CBFA2T2: variants seen among roughly 807,000 people sequenced by gnomAD.
The protein encoded by CBFA2T2 is CBFA2/RUNX1 partner transcriptional co-repressor 2, also known as protein CBFA2T2.
A neutral mutation model predicts 62.2 loss-of-function variants in CBFA2T2; 11 were observed. That is an observed-to-expected ratio of 0.18 (90% CI 0.11 to 0.29). The LOEUF is 0.29. CBFA2T2 is among the 10% of genes least tolerant of loss of function. The pLI is 1.00. For synonymous variants in CBFA2T2, 295 were observed against 287.5 expected, an observed-to-expected ratio of 1.03 and a Z score of -0.27; for missense variants, 592 against 774.1, an observed-to-expected ratio of 0.76 and a Z score of 2.79.
intron 6 of CBFA2T2, among the ~76,000 whole-genome samples, chr20:33,627,173 G>A (rs895883594): frequency 2.0e-5 from 3 of 152,170 alleles, no homozygotes; most frequent in Middle Eastern, 3.4e-3. Flanking sequence ...CTAGGTGGGC[G>A]AATCGTGAGG....
chr20:33,631,817 TTAGATA>T (rs2016462812), intron 8 of CBFA2T2, among the ~76,000 whole-genome samples: 1 of 152,206 alleles, frequency 6.6e-6, no homozygotes, highest in African/African-American at 2.4e-5. Context: ...TCAACCTGAT[TTAGATA>T]GTATATTTTA....
rs867527791 is a variant in CBFA2T2, at chr20:33,624,237, A to T, written c.693-527A>T. On this transcript the variant is annotated intron_variant, in intron 5 of 10. Coordinates refer to ENST00000342704, the MANE Select transcript of CBFA2T2 (RefSeq NM_001032999.3). ...GCTTTAATGACATTTTTTTAAAAGT[A>T]AAAAAAAAAAAAAAAAAAGAAAATT... 7.9e-4 allele frequency among the ~76,000 whole-genome samples: 89 copies of T among 112,158 alleles called. No individual in the cohort carries two copies. In the East Asian group the frequency reaches 0.017, roughly 22 times the overall value. 73.6% of individuals were successfully genotyped at this position (112,158 alleles called of 152,430 possible).
chr20:33,646,534 T>C lies in CBFA2T2; in HGVS notation c.*1888T>C, dbSNP rs895663489. ...GGGATCCACACAGGTAGCCTTCTCC[T>C]TGGATACAGGTACATCTTACTGTAA... On this transcript the variant is annotated 3_prime_UTR_variant, in exon 11 of 11. Transcript: ENST00000342704. 3.2e-4 allele frequency: 48 copies of C among 152,152 alleles called. No individual in the cohort carries two copies. Among genetic ancestry groups the C allele is most frequent in the Admixed American group, 3.1e-3 (48 of 15,270 alleles). The allele number at this position is 152,152 out of a possible 1,614,324, so 9.4% of individuals were successfully genotyped here.
chr20:33,609,581 C>T (rs538604182), intron 2 of CBFA2T2, among the ~76,000 whole-genome samples: 8 of 152,160 alleles, frequency 5.3e-5, no homozygotes, highest in African/African-American at 7.2e-5. Flanking sequence ...TACCTTCAAG[C>T]GGAGCAACAG....
At chr20:33,515,015 C>T (rs945001426) in intron 1 of CBFA2T2, among the ~76,000 whole-genome samples, 5 of 150,490 alleles carry the variant, frequency 3.3e-5, no homozygotes, top group Non-Finnish European at 5.9e-5. Flanking sequence ...TTAGAGAAAA[C>T]ACCTAGTGAA....
At position 33,636,726 on chromosome 20, in the gene CBFA2T2, T is replaced by G; in HGVS notation, c.1297+18T>G. 1.3e-6 allele frequency: 2 copies of G among 1,579,890 alleles called. No individual in the cohort carries two copies. The highest frequency in any genetic ancestry group is 1.7e-6 in the Non-Finnish European group (2 of 1,149,248). On this transcript the variant is annotated intron_variant, in intron 9 of 10. Transcript: ENST00000342704. ...AAAAACAGGTATGTGTCTGACTGCTTGTAGGTCATACATACTCACTAATTT... is the reference window on the plus strand; with the variant it reads ...AAAAACAGGTATGTGTCTGACTGCTGGTAGGTCATACATACTCACTAATTT...
intron 1 of CBFA2T2, among the ~76,000 whole-genome samples, chr20:33,585,223 C>A (rs946897549): frequency 2.0e-5 from 3 of 152,108 alleles, no homozygotes; most frequent in Non-Finnish European, 4.4e-5. Flanking sequence ...AATAATTCTT[C>A]TGGAGAAAAG....
chr20:33,492,090 C>T (rs181026485), intron 1 of CBFA2T2, among the ~76,000 whole-genome samples: 239 of 152,150 alleles, frequency 1.6e-3, no homozygotes, highest in South Asian at 5.2e-3. Flanking sequence ...CCATGTTGGC[C>T]AGGCTGGTCG....
Position 33,619,719 on chromosome 20 carries a change from T to A in CBFA2T2, c.510+113T>A, listed in dbSNP as rs1407559480. On this transcript the variant is annotated intron_variant, in intron 4 of 10. Transcript: ENST00000342704. The stretch of plus-strand genomic sequence containing the variant: ...TTGCCACGTTTTTAGATCTTTATTT[T>A]GGGCTGGTAGAGAGGTCTGAGTGCA... The A allele has an allele frequency of 5.6e-6, 4 of 711,746 alleles. No individual in the cohort carries two copies. The Admixed American group carries it at 1.2e-4, about 22-fold the overall frequency. 44.1% of individuals were successfully genotyped at this position (711,746 alleles called of 1,614,324 possible).
chr20:33,493,322 C>T (rs1375687948), intron 1 of CBFA2T2, among the ~76,000 whole-genome samples: 7 of 152,070 alleles, frequency 4.6e-5, no homozygotes, highest in Middle Eastern at 3.4e-3. Flanking sequence ...GTGATCTGCC[C>T]GCCTCGGCTT....
intron 1 of CBFA2T2, among the ~76,000 whole-genome samples, chr20:33,584,517 A>G (rs906723933): frequency 2.0e-5 from 3 of 151,972 alleles, no homozygotes; most frequent in African/African-American, 7.3e-5. Flanking sequence ...TCGGCCTCCC[A>G]AAGTGCTGAG....
chr20:33,490,179 G>C lies in CBFA2T2; in HGVS notation c.-89G>C. 3.4e-6 allele frequency: 4 copies of C among 1,186,638 alleles called. No homozygotes were observed. The highest frequency in any genetic ancestry group is 4.2e-6 in the Non-Finnish European group (4 of 955,576). The allele number at this position is 1,186,638 out of a possible 1,614,324, so 73.5% of individuals were successfully genotyped here. A position where few individuals can be genotyped will look rare whatever the true frequency, so the allele number is the denominator to read the frequency against. On this transcript the variant is annotated 5_prime_UTR_variant, in exon 1 of 11. Transcript: ENST00000342704. ...AGATCTCGCGGCGACGCCTGCGAGG[G>C]ACCCGGGCCGCGGGTCGAGGCGGGC... is the stretch of plus-strand genomic sequence containing the variant.
intron 3 of CBFA2T2, among the ~76,000 whole-genome samples, chr20:33,617,152 C>T (rs935285487): frequency 2.0e-5 from 3 of 151,954 alleles, no homozygotes; most frequent in Non-Finnish European, 2.9e-5. Context: ...GGGCGGATCA[C>T]GAGGTCAGGA....
intron 1 of CBFA2T2, among the ~76,000 whole-genome samples, chr20:33,494,485 G>T (rs1198425463): frequency 1.3e-5 from 2 of 149,304 alleles, no homozygotes; most frequent in Non-Finnish European, 3.0e-5. Flanking sequence ...GTTTCACCCT[G>T]TTAGCCAGGA....
chr20:33,501,305 C>G (rs1289268106), intron 1 of CBFA2T2, among the ~76,000 whole-genome samples: 1 of 152,146 alleles, frequency 6.6e-6, no homozygotes, highest in African/African-American at 2.4e-5. Context: ...AAATGTTTCC[C>G]TTATTTCTTT....
chr20:33,561,513 G>A (rs1462256112), intron 1 of CBFA2T2, among the ~76,000 whole-genome samples: 1 of 152,154 alleles, frequency 6.6e-6, no homozygotes, highest in African/African-American at 2.4e-5. Flanking sequence ...CTATAGTATG[G>A]TATCAGTTGT....
chr20:33,503,486 C>G (rs1335876030), intron 1 of CBFA2T2, among the ~76,000 whole-genome samples: 1 of 152,042 alleles, frequency 6.6e-6, no homozygotes, highest in African/African-American at 2.4e-5. Flanking sequence ...AACTCCTGAC[C>G]TCGTGATCCG....
At chr20:33,564,472 G>T (rs1447423044) in intron 1 of CBFA2T2, among the ~76,000 whole-genome samples, 1 of 151,904 alleles carries the variant, frequency 6.6e-6, no homozygotes, top group Non-Finnish European at 1.5e-5. Flanking sequence ...GGTCAGGCTG[G>T]TCTTGAACTC....
chr20:33,500,575 G>A (rs2011262381), intron 1 of CBFA2T2, among the ~76,000 whole-genome samples: 1 of 152,024 alleles, frequency 6.6e-6, no homozygotes, highest in African/African-American at 2.4e-5. Flanking sequence ...CAGCCATGGT[G>A]GCGCATGCCT....
Sources: allele counts gnomAD v4.1 joint callset (sites outside exome capture counted in the v4.1 genomes callset), GRCh38; gene constraint gnomAD v4.1.1; transcripts MANE v1.5; gene names NCBI Gene and HGNC (gene_info 2026-07-23, HGNC 2026-07-21).